ADARB2: variants seen among roughly 807,000 people sequenced by gnomAD.
The protein encoded by ADARB2 is inactive double-stranded RNA-specific editase B2.
ADARB2 carries 25 observed loss-of-function variants against 62.2 expected under a neutral mutation model. The observed-to-expected ratio is 0.40, with a 90% CI of 0.29 to 0.56. The LOEUF (loss-of-function observed/expected upper bound fraction) is 0.56, where lower values mean the gene tolerates loss of function less well. ADARB2 is among the 20% of genes least tolerant of loss of function. ADARB2 has a pLI of 0.43. For missense variants in ADARB2, 1,071 were observed against 1,077.4 expected (o/e 0.99, Z 0.08); for synonymous variants, 572 against 500.8 (o/e 1.14, Z -1.90).
intron 1 of ADARB2, among the ~76,000 whole-genome samples, chr10:1,723,095 T>G (rs1303357067): frequency 6.6e-6 from 1 of 152,156 alleles, no homozygotes. Context: ...CTATTCAGTA[T>G]CTCCCTGGAA....
At position 1,657,586 on chromosome 10, in the gene ADARB2, C is replaced by T. The variant is rs572479571; in HGVS notation, c.100+79465G>A. Among the ~76,000 whole-genome samples, 20 of 152,282 alleles carry T rather than the reference C, an allele frequency of 1.3e-4. No individual in the cohort carries two copies. In the South Asian group the frequency reaches 4.1e-3, roughly 32 times the overall value. On this transcript the variant is annotated intron_variant, in intron 1 of 9. Coordinates refer to ENST00000381312, the MANE Select transcript of ADARB2 (RefSeq NM_018702.4). ...AAGGTCTCCCATTTCTGGAGTCTCT[C>T]GAGGCCTCCAACAGAAGGCAGCATC...
chr10:1,289,081 A>T (rs56380622), intron 3 of ADARB2, among the ~76,000 whole-genome samples: 1 of 152,152 alleles, frequency 6.6e-6, no homozygotes, highest in Non-Finnish European at 1.5e-5. Flanking sequence ...AACAGTGACC[A>T]TCTGTTCCCT....
chr10:1,638,082 A>C (rs1456139390), intron 1 of ADARB2, among the ~76,000 whole-genome samples: 1 of 152,170 alleles, frequency 6.6e-6, no homozygotes, highest in Non-Finnish European at 1.5e-5. Context: ...GGCAATAATG[A>C]AAGTTCCTTT....
At chr10:1,347,937 T>A (rs917076670) in intron 3 of ADARB2, among the ~76,000 whole-genome samples, 2 of 143,660 alleles carry the variant, frequency 1.4e-5, no homozygotes, top group Admixed American at 6.8e-5. Flanking sequence ...GAGACAGAGA[T>A]AGAGAGAGAT....
intron 1 of ADARB2, among the ~76,000 whole-genome samples, chr10:1,427,045 AT>A (rs1832898946): frequency 6.6e-6 from 1 of 152,210 alleles, no homozygotes; most frequent in African/African-American, 2.4e-5. Flanking sequence ...TTTTTAACTT[AT>A]CCCTGAGATT....
At chr10:1,698,643 T>A (rs1272376866) in intron 1 of ADARB2, among the ~76,000 whole-genome samples, 1 of 152,112 alleles carries the variant, frequency 6.6e-6, no homozygotes, top group African/African-American at 2.4e-5. Context: ...AAAAGGCACA[T>A]CTGTGTGTTG....
intron 1 of ADARB2, among the ~76,000 whole-genome samples, chr10:1,538,634 G>C (rs1447939000): frequency 6.6e-6 from 1 of 152,224 alleles, no homozygotes; most frequent in Non-Finnish European, 1.5e-5. Flanking sequence ...GGTGGACGGG[G>C]AGCGTTCTGC....
At position 1,203,059 on chromosome 10, in the gene ADARB2, G is replaced by C. The variant is rs201586664; in HGVS notation, c.1683-2912C>G. Among the ~76,000 whole-genome samples, 7 of 152,240 alleles carry C rather than the reference G, an allele frequency of 4.6e-5. No individual in the cohort carries two copies. The East Asian group carries it at 1.4e-3, about 29-fold the overall frequency. On this transcript the variant is annotated intron_variant, in intron 7 of 9. Coordinates refer to ENST00000381312, the MANE Select transcript of ADARB2 (RefSeq NM_018702.4). ...TAAAACCAAATGTCTTTCTGAATAT[G>C]AGCTGGAGAATTTTCAGCATTCAGG...
chr10:1,557,107 C>T (rs1319698556), intron 1 of ADARB2: 2 of 343,508 alleles, frequency 5.8e-6, no homozygotes, highest in Non-Finnish European at 1.1e-5. Flanking sequence ...CCTTCCATTG[C>T]CTCAGTTTCA....
At chr10:1,401,190 C>T (rs561147835) in intron 1 of ADARB2, among the ~76,000 whole-genome samples, 5 of 152,282 alleles carry the variant, frequency 3.3e-5, no homozygotes, top group South Asian at 2.1e-4. Context: ...AAGGAGCCTC[C>T]GGAGCAGCTG....
intron 1 of ADARB2, among the ~76,000 whole-genome samples, chr10:1,442,132 G>C (rs1261507238): frequency 6.6e-6 from 1 of 152,190 alleles, no homozygotes; most frequent in Non-Finnish European, 1.5e-5. Context: ...ATATAACTGT[G>C]TAAGATCTGG....
chr10:1,549,957 C>G (rs564041074), intron 1 of ADARB2, among the ~76,000 whole-genome samples: 101 of 152,334 alleles, frequency 6.6e-4, no homozygotes, highest in Middle Eastern at 3.4e-3. Context: ...ATATGCAATA[C>G]AAGCTTACAA....
intron 3 of ADARB2, among the ~76,000 whole-genome samples, chr10:1,340,653 G>C (rs61833570): frequency 0.12 from 1,045 of 9,066 alleles, 99 homozygotes; most frequent in South Asian, 0.27. Flanking sequence ...GGCAATAACC[G>C]GCATCCACCA....
chr10:1,510,913 G>GA (rs1381145672), intron 1 of ADARB2, among the ~76,000 whole-genome samples: 7 of 152,144 alleles, frequency 4.6e-5, no homozygotes, highest in Non-Finnish European at 8.8e-5. Flanking sequence ...GAGTGCACTG[G>GA]AATGATCATG....
intron 4 of ADARB2, among the ~76,000 whole-genome samples, chr10:1,243,673 CTG>C (rs1340089936): frequency 1.3e-5 from 2 of 152,226 alleles, no homozygotes; most frequent in Non-Finnish European, 2.9e-5. Flanking sequence ...GGACCGAGCA[CTG>C]GGGAAGTAAC....
At chr10:1,213,888 G>A (rs940747583) in intron 7 of ADARB2, among the ~76,000 whole-genome samples, 1 of 152,048 alleles carries the variant, frequency 6.6e-6, no homozygotes, top group Admixed American at 6.5e-5. Flanking sequence ...GTTTGCACCT[G>A]TGCCCGGACC....
At chr10:1,428,612 T>G (rs1201289851) in intron 1 of ADARB2, among the ~76,000 whole-genome samples, 1 of 151,970 alleles carries the variant, frequency 6.6e-6, no homozygotes, top group African/African-American at 2.4e-5. Flanking sequence ...ATGACATTTT[T>G]GAAATGACTA....
chr10:1,446,258 G>A (rs187412266), intron 1 of ADARB2, among the ~76,000 whole-genome samples: 1 of 152,274 alleles, frequency 6.6e-6, no homozygotes, highest in Admixed American at 6.5e-5. Context: ...TTATGACTAC[G>A]ACTACCTCAG....
chr10:1,728,585 C>G (rs879726673), intron 1 of ADARB2, among the ~76,000 whole-genome samples: 6 of 152,134 alleles, frequency 3.9e-5, no homozygotes, highest in Non-Finnish European at 8.8e-5. Flanking sequence ...TATTCATTAC[C>G]CACATACAAG....
Sources: gnomAD v4.1 joint callset for allele counts (sites outside exome capture counted in the v4.1 genomes callset) on GRCh38, gnomAD v4.1.1 for gene constraint, MANE v1.5 for transcripts, NCBI Gene and HGNC (gene_info 2026-07-23, HGNC 2026-07-21) for gene names.